Variants in ABL2 observed in about 807,000 individuals in gnomAD.
The protein encoded by ABL2 is ABL proto-oncogene 2, non-receptor tyrosine kinase.
In ABL2, 49 loss-of-function variants were observed where a neutral mutation model predicts 107.7. That is an observed-to-expected ratio of 0.45 (90% CI 0.36 to 0.58). The LOEUF (loss-of-function observed/expected upper bound fraction) is 0.58. Ranked by LOEUF, ABL2 falls within the 20% of genes least tolerant of loss-of-function variation. ABL2 has a pLI of 0.00. For synonymous variants in ABL2, 549 were observed against 548.6 expected (o/e 1.00, Z -0.01); for missense variants, 1,245 against 1,457.0 (o/e 0.85, Z 2.37).
At chr1:179,197,556 C>CA (rs545832945) in intron 1 of ABL2, among the ~76,000 whole-genome samples, 9,793 of 75,720 alleles carry the variant, frequency 0.13, 367 homozygotes, top group Middle Eastern at 0.14. Context: ...CTGCTTGGTT[C>CA]AAAAAAAAAA....
At chr1:179,194,116 T>TC (rs1661174716) in intron 1 of ABL2, among the ~76,000 whole-genome samples, 1 of 152,210 alleles carries the variant, frequency 6.6e-6, no homozygotes, top group Non-Finnish European at 1.5e-5. Flanking sequence ...ATATCTTTTT[T>TC]CCCATGGTCA....
At chr1:179,136,991 A>T (rs1657094230) in intron 1 of ABL2, among the ~76,000 whole-genome samples, 1 of 151,350 alleles carries the variant, frequency 6.6e-6, no homozygotes, top group Non-Finnish European at 1.5e-5. Context: ...TTGGCTCTGT[A>T]ATTCTCCAGT....
intron 1 of ABL2, among the ~76,000 whole-genome samples, chr1:179,185,389 C>T (rs1660624264): frequency 6.6e-6 from 1 of 152,020 alleles, no homozygotes. Flanking sequence ...ATCAGCAAAA[C>T]CTGTAGTATC....
rs972969778 is a variant in ABL2, at chr1:179,121,678, T to C, written c.877A>G (p.Lys293Glu). The C allele has an allele frequency of 6.2e-7, 1 of 1,614,174 alleles. No homozygotes were observed. The highest frequency in any genetic ancestry group is 8.5e-7 in the Non-Finnish European group (1 of 1,180,040). ...MERTDITMKH[K>E]LGGGQYGEVY... ...TCTCCATACTGACCGCCCCCAAGTT[T>C]GTGCTTCATGGTAATATCTGTTCGC... The change falls in exon 5 of 12, where the codon AAA becomes GAA. Residue 293 changes from lysine to glutamate, a missense_variant. Physicochemically the swap from Lys to Glu is moderately conservative, Grantham distance 56. Transcript: ENST00000502732.
intron 1 of ABL2, among the ~76,000 whole-genome samples, chr1:179,208,404 T>G (rs953082508): frequency 1.3e-5 from 2 of 152,168 alleles, no homozygotes; most frequent in Admixed American, 6.6e-5. Flanking sequence ...CACAGGGTAT[T>G]TGGTTTTCTG....
At chr1:179,186,695 C>T (rs928825751) in intron 1 of ABL2, among the ~76,000 whole-genome samples, 6 of 151,914 alleles carry the variant, frequency 3.9e-5, no homozygotes, top group African/African-American at 1.5e-4. Flanking sequence ...GTCAATATGC[C>T]GGACTTTCCA....
Position 179,106,660 on chromosome 1 carries a change from CT to C in ABL2, c.*1057del, listed in dbSNP as rs759131272. ...GAAACAGCCATTAGGACCAAGCCAG[CT>C]TTTCCTCTCAGTCACATACAGGCCA... On this transcript the variant is annotated 3_prime_UTR_variant, in exon 12 of 12. Transcript: ENST00000502732. 6 of 232,004 alleles carry C rather than the reference CT, an allele frequency of 2.6e-5. No individual in the cohort carries two copies. Among genetic ancestry groups the C allele is most frequent in the Non-Finnish European group, 5.1e-5 (6 of 117,362 alleles). 14.4% of individuals were successfully genotyped at this position (232,004 alleles called of 1,614,324 possible).
chr1:179,220,707 A>G (rs749553424), intron 1 of ABL2, among the ~76,000 whole-genome samples: 25 of 152,212 alleles, frequency 1.6e-4, no homozygotes, highest in Non-Finnish European at 3.1e-4. Context: ...CCAGTCTGAA[A>G]GTCTGGTTTT....
intron 1 of ABL2, among the ~76,000 whole-genome samples, chr1:179,154,854 T>C (rs1465692994): frequency 1.2e-4 from 18 of 152,224 alleles, no homozygotes; most frequent in Non-Finnish European, 5.9e-5. Context: ...GAAAGACTCA[T>C]CTTTAAACAG....
Position 179,110,322 on chromosome 1 carries a change from T to G in ABL2, c.1785A>C (p.Ala595=), listed in dbSNP as rs1172549168. 1 of 1,614,102 alleles carries G rather than the reference T, an allele frequency of 6.2e-7. No homozygotes were observed. The highest frequency in any genetic ancestry group is 8.5e-7 in the Non-Finnish European group (1 of 1,180,040). ...AAGCAGAATTTTCTGTGGCATCTTG[T>G]GCCCCTTCAATGTTCTCCTTGTTCT... is the stretch of plus-strand genomic sequence containing the variant. The part of the protein sequence containing the change: ...QVENKENIEG[A]QDATENSASS... The change falls in exon 11 of 12, where the codon GCA becomes GCC. Residue 595 remains alanine, a synonymous_variant. Transcript: ENST00000502732.
chr1:179,208,308 T>C (rs1027776655), intron 1 of ABL2, among the ~76,000 whole-genome samples: 3 of 151,702 alleles, frequency 2.0e-5, no homozygotes, highest in Non-Finnish European at 2.9e-5. Flanking sequence ...CCCCCATTCC[T>C]TCCCCTCTAA....
At position 179,108,078 on chromosome 1, in the gene ABL2, T is replaced by G; in HGVS notation, c.3189A>C (p.Ala1063=). 1 of 1,614,242 alleles carries G rather than the reference T, an allele frequency of 6.2e-7. No homozygotes were observed. The highest frequency in any genetic ancestry group is 1.7e-5 in the Admixed American group (1 of 60,022). The stretch of plus-strand genomic sequence containing the variant: ...TTTTTCTCAGAGCCACTTTAGTACC[T>G]GCTGTGCCATTGGCCATTTTGGCTG... ...ISPAKMANGT[A]GTKVALRKTK... The change falls in exon 12 of 12, where the codon GCA becomes GCC. Residue 1063 remains alanine (A), a synonymous_variant. Transcript: ENST00000502732.
chr1:179,128,415 T>A (rs1655954439), intron 3 of ABL2, among the ~76,000 whole-genome samples: 1 of 152,112 alleles, frequency 6.6e-6, no homozygotes, highest in South Asian at 2.1e-4. Context: ...TTAGTCCACA[T>A]GAGCTAAAAA....
At chr1:179,212,763 C>A (rs1465602323) in intron 1 of ABL2, among the ~76,000 whole-genome samples, 1 of 146,182 alleles carries the variant, frequency 6.8e-6, no homozygotes, top group Non-Finnish European at 1.5e-5. Flanking sequence ...ACAATGCAAG[C>A]TGGCTGGGCG....
At chr1:179,120,353 A>C in intron 5 of ABL2, 79 bp from the exon 6 acceptor site, 1 of 804,160 alleles carries the variant, frequency 1.2e-6, no homozygotes, top group Non-Finnish European at 2.0e-6. Context: ...TCATCTCACA[A>C]TCATAAAGCT....
At chr1:179,184,878 G>C (rs1246048188) in intron 1 of ABL2, among the ~76,000 whole-genome samples, 1 of 152,048 alleles carries the variant, frequency 6.6e-6, no homozygotes, top group Non-Finnish European at 1.5e-5. Context: ...TATGGTAAAA[G>C]AGTCTCTACC....
At chr1:179,110,647 C>T (rs1653964888) in intron 10 of ABL2, 192 bp from the exon 11 acceptor site, 8 of 1,542,174 alleles carry the variant, frequency 5.2e-6, no homozygotes, top group Non-Finnish European at 7.0e-6. Flanking sequence ...TTCGTCCACG[C>T]TGCTGCATGT....
chr1:179,200,796 C>G (rs1022084278), intron 1 of ABL2, among the ~76,000 whole-genome samples: 5 of 152,114 alleles, frequency 3.3e-5, no homozygotes, highest in Non-Finnish European at 7.3e-5. Context: ...GGATATAAAG[C>G]AAAATCAGCA....
intron 1 of ABL2, among the ~76,000 whole-genome samples, chr1:179,212,166 A>C (rs1193584974): frequency 6.6e-6 from 1 of 152,230 alleles, no homozygotes; most frequent in Non-Finnish European, 1.5e-5. Context: ...AGAACTTACC[A>C]TCAGGAGAAC....
Sources: allele counts gnomAD v4.1 joint callset (sites outside exome capture counted in the v4.1 genomes callset), GRCh38; gene constraint gnomAD v4.1.1; transcripts MANE v1.5; gene names NCBI Gene and HGNC (gene_info 2026-07-23, HGNC 2026-07-21).